PMPCA: variants seen among roughly 807,000 people sequenced by gnomAD.
The protein encoded by PMPCA is mitochondrial-processing peptidase subunit alpha.
In PMPCA, 47 loss-of-function variants were observed where a neutral mutation model predicts 59.3. The ratio of observed to expected loss-of-function variants is 0.79; its 90% confidence interval spans 0.63 to 1.01. The LOEUF is 1.01. Ranked by LOEUF, PMPCA falls within the 50% of genes least tolerant of loss-of-function variation. The pLI, the probability that PMPCA is intolerant of heterozygous loss-of-function variation, is 0.00. For missense variants in PMPCA, 726 were observed against 704.5 expected, an observed-to-expected ratio of 1.03 and a Z score of -0.34; for synonymous variants, 338 against 290.3, an observed-to-expected ratio of 1.16 and a Z score of -1.67.
intron 5 of PMPCA, 80 bp downstream of exon 5, chr9:136,414,727 A>G: frequency 2.4e-6 from 2 of 850,548 alleles, no homozygotes; most frequent in Non-Finnish European, 4.1e-6. Flanking sequence ...CCCTGTAGCC[A>G]TGAGGGAGAG....
At chr9:136,416,812 AT>A (rs1161947336) in intron 6 of PMPCA, 138 bp from the exon 7 acceptor site, 1 of 692,320 alleles carries the variant, frequency 1.4e-6, no homozygotes, top group African/African-American at 1.8e-5. Context: ...CGCAGCTGCT[AT>A]TGCCAGAGTG....
chr9:136,423,244 ACGTAC>A lies in PMPCA; in HGVS notation c.1561_1565del (p.Tyr521AlafsTer31). Reference sequence around the variant, plus strand: ...GAGTAAGGACGGGCGCCTGCCCAGGACGTACCGGCTCTTCCGGTAGAACCGCTCCC... The same window carrying A: ...GAGTAAGGACGGGCGCCTGCCCAGGACGGCTCTTCCGGTAGAACCGCTCCC... On this transcript the variant is annotated frameshift_variant, in exon 13 of 13. Transcript: ENST00000371717. LOFTEE classifies it high-confidence loss of function. 1 of 1,612,912 alleles carries A rather than the reference ACGTAC, an allele frequency of 6.2e-7. No individual in the cohort carries two copies. The highest frequency in any genetic ancestry group is 8.5e-7 in the Non-Finnish European group (1 of 1,179,860).
At chr9:136,414,689 T>C in intron 5 of PMPCA, 42 bp downstream of exon 5, 3 of 1,291,752 alleles carry the variant, frequency 2.3e-6, no homozygotes, top group South Asian at 1.2e-5. Context: ...GGCTTGGACA[T>C]AGGGAAGACC....
In PMPCA at chr9:136,410,733, G is replaced by A. The variant is rs374412780; in HGVS notation, c.65G>A (p.Arg22Gln). 27 of 1,417,544 alleles carry A rather than the reference G, an allele frequency of 1.9e-5. No homozygotes were observed. The African/African-American group carries it at 4.0e-4, about 21-fold the overall frequency. The allele number at this position is 1,417,544 out of a possible 1,614,324, so 87.8% of individuals were successfully genotyped here. A position where few individuals can be genotyped will look rare whatever the true frequency, so the allele number is the denominator to read the frequency against. ...GGCTCGGGTTCTTGGGGCTGTTCGC[G>A]GCTGAGGTGAGCCAAAGGCGAACCA... ...LRGSGSWGCSRLRFGPPAYRR... is the reference protein window; with the variant it reads ...LRGSGSWGCSQLRFGPPAYRR... The change falls in exon 1 of 13, where the codon CGG (arginine) becomes CAG (glutamine). Residue 22 changes from arginine to glutamine, a missense_variant. By Grantham distance (43) the Arg-to-Gln change is conservative. Transcript: ENST00000371717.
intron 5 of PMPCA, 28 bp downstream of exon 5, chr9:136,414,675 G>A (rs1410578153): frequency 1.4e-6 from 2 of 1,455,468 alleles, no homozygotes; most frequent in South Asian, 2.3e-5. Context: ...TGGCGTTTGA[G>A]GTGGGCTTGG....
intron 5 of PMPCA, among the ~76,000 whole-genome samples, chr9:136,415,218 C>T (rs1835240600): frequency 1.3e-5 from 2 of 152,166 alleles, no homozygotes; most frequent in African/African-American, 4.8e-5. Flanking sequence ...CCAGTCTGAG[C>T]AACATAGCAA....
intron 11 of PMPCA, 121 bp from the exon 12 acceptor site, chr9:136,421,711 T>G: frequency 2.1e-6 from 2 of 945,530 alleles, no homozygotes; most frequent in South Asian, 3.5e-5. Flanking sequence ...TGCGCCCGGC[T>G]GCCCTTCCCT....
Position 136,417,047 on chromosome 9 carries a change from AACT to A in PMPCA, c.736_738del (p.Tyr246del), listed in dbSNP as rs1408906370. ...AGAGGTGCTGCATTCCTACCTGAGG[AACT>A]ACTACACTCCCGACCGCATGGTGCT... On this transcript the variant is annotated inframe_deletion, in exon 7 of 13. Coordinates refer to ENST00000371717, the MANE Select transcript of PMPCA (RefSeq NM_015160.3). 2 of 1,613,972 alleles carry A rather than the reference AACT, an allele frequency of 1.2e-6. No homozygotes were observed. Among genetic ancestry groups the A allele is most frequent in the East Asian group, 2.2e-5 (1 of 44,884 alleles).
At chr9:136,421,101 G>A (rs749356932) in intron 11 of PMPCA, among the ~76,000 whole-genome samples, 22 of 152,246 alleles carry the variant, frequency 1.4e-4, no homozygotes, top group Non-Finnish European at 3.1e-4. Context: ...GAACCTCCCA[G>A]GGACTTTGCT....
At chr9:136,419,198 C>G in intron 11 of PMPCA, 92 bp downstream of exon 11, 1 of 1,197,438 alleles carries the variant, frequency 8.4e-7, no homozygotes, top group South Asian at 1.2e-5. Flanking sequence ...GGGCCTGGTC[C>G]CTGAGCCTCA....
chr9:136,415,995 A>G (rs1327973196), intron 5 of PMPCA: 16 of 488,888 alleles, frequency 3.3e-5, no homozygotes, highest in Non-Finnish European at 5.9e-5. Flanking sequence ...CACTTGGGAC[A>G]GACAGGTCCA....
At chr9:136,421,244 C>T (rs760438747) in intron 11 of PMPCA, among the ~76,000 whole-genome samples, 2 of 152,242 alleles carry the variant, frequency 1.3e-5, no homozygotes, top group Non-Finnish European at 2.9e-5. Context: ...ATTTTACCTT[C>T]TCCCGCTGCA....
At chr9:136,412,762 G>C (rs770408746) in intron 3 of PMPCA, 48 bp from the exon 4 acceptor site, 2 of 1,147,812 alleles carry the variant, frequency 1.7e-6, no homozygotes, top group Non-Finnish European at 2.6e-6. Flanking sequence ...TTGTGTTTCA[G>C]GGATAGCCTG....
chr9:136,417,173 A>AT lies in PMPCA; in HGVS notation c.858dup (p.Asp287Ter). 1 of 1,607,408 alleles carries AT rather than the reference A, an allele frequency of 6.2e-7. No homozygotes were observed. The highest frequency in any genetic ancestry group is 1.1e-5 in the South Asian group (1 of 90,780). On this transcript the variant is annotated frameshift_variant, in exon 7 of 13. Coordinates refer to ENST00000371717, the MANE Select transcript of PMPCA (RefSeq NM_015160.3). LOFTEE classifies it high-confidence loss of function. ...CTGGGGGAGCGCAGAGGCCGTGGAT[A>AT]TTGACAGATCTGTGGCCCAGTACAC...
At chr9:136,413,504 T>A (rs1275842122) in intron 4 of PMPCA, among the ~76,000 whole-genome samples, 2 of 152,164 alleles carry the variant, frequency 1.3e-5, no homozygotes, top group Non-Finnish European at 2.9e-5. Flanking sequence ...AAATTGTTGA[T>A]TTAAGTTTGA....
chr9:136,415,559 G>T (rs1031341552), intron 5 of PMPCA, among the ~76,000 whole-genome samples: 1 of 152,230 alleles, frequency 6.6e-6, no homozygotes, highest in Non-Finnish European at 1.5e-5. Flanking sequence ...CTTGCGCTTG[G>T]TGTTCAAAGG....
chr9:136,414,062 C>G (rs377466573), intron 4 of PMPCA, among the ~76,000 whole-genome samples: 95 of 152,346 alleles, frequency 6.2e-4, no homozygotes, highest in African/African-American at 2.3e-3. Flanking sequence ...AAGCTCCATA[C>G]GAGCCAGCCA....
At chr9:136,414,374 G>A (rs1409104600) in intron 4 of PMPCA, among the ~76,000 whole-genome samples, 179 bp from the exon 5 acceptor site, 2 of 151,638 alleles carry the variant, frequency 1.3e-5, no homozygotes, top group East Asian at 3.9e-4. Context: ...TGTCTGCTGG[G>A]CCCCAACAAA....
intron 4 of PMPCA, among the ~76,000 whole-genome samples, chr9:136,413,831 G>T (rs10870147): frequency 0.14 from 20,731 of 152,238 alleles, 1,710 homozygotes; most frequent in Admixed American, 0.21. Context: ...CTCCTCTTCA[G>T]GGTGAAGGTC....
Sources: gnomAD v4.1 joint callset for allele counts (sites outside exome capture counted in the v4.1 genomes callset) on GRCh38, gnomAD v4.1.1 for gene constraint, MANE v1.5 for transcripts, NCBI Gene and HGNC (gene_info 2026-07-23, HGNC 2026-07-21) for gene names.